PROSER1: variants seen among roughly 807,000 people sequenced by gnomAD.
PROSER1 encodes the protein proline and serine-rich protein 1.
A neutral mutation model predicts 71.8 loss-of-function variants in PROSER1; 36 were observed. The ratio of observed to expected loss-of-function variants is 0.50; its 90% confidence interval spans 0.38 to 0.66. The LOEUF is 0.66. Ranked by LOEUF, PROSER1 falls within the 30% of genes least tolerant of loss-of-function variation. PROSER1 has a pLI of 0.00. For missense variants in PROSER1, 1,107 were observed against 1,135.0 expected (o/e 0.98, Z 0.35); for synonymous variants, 490 against 452.4 (o/e 1.08, Z -1.06).
chr13:39,022,822 ATGAC>A, intron 8 of PROSER1: 1 of 438,420 alleles, frequency 2.3e-6, no homozygotes, highest in Non-Finnish European at 4.0e-6. Context: ...TAAATAATGA[ATGAC>A]TAAAAATAAT....
In PROSER1 at chr13:39,014,074, C is replaced by T. The variant is rs769723936; in HGVS notation, c.1178G>A (p.Ser393Asn). Residue 393 changes from serine (S) to asparagine (N), a missense_variant, in exon 11 of 13, where the codon AGT becomes AAT. Coordinates refer to ENST00000352251, the MANE Select transcript of PROSER1 (RefSeq NM_025138.5). ...TGCAGAAGTAGAAGCAAATGCTTCA[C>T]TGGAACCAAGAGTGGACCGTGGTGT... ...GPTPRSTLGS[S>N]EAFASTSAPF... The T allele has an allele frequency of 6.2e-7, 1 of 1,614,168 alleles. No individual in the cohort carries two copies. The highest frequency in any genetic ancestry group is 1.7e-5 in the Admixed American group (1 of 60,026).
In PROSER1 at chr13:39,013,993, G is replaced by A; in HGVS notation, c.1259C>T (p.Pro420Leu). 6.2e-7 allele frequency: 1 copy of A among 1,614,168 alleles called. No homozygotes were observed. Residue 420 changes from proline (P) to leucine (L), a missense_variant, in exon 11 of 13, where the codon CCA (proline) becomes CTA (leucine). Transcript: ENST00000352251. The part of the protein sequence containing the change: ...TSSSAASTSN[P>L]NSASLSSVFA... ...AACTGATGACAATGAAGCAGAATTTGGGTTGCTGGTAGAAGCAGCAGAAGA... is the reference window on the plus strand; with the variant it reads ...AACTGATGACAATGAAGCAGAATTTAGGTTGCTGGTAGAAGCAGCAGAAGA...
intron 9 of PROSER1, chr13:39,017,867 C>T (rs886116521): frequency 1.8e-5 from 4 of 217,778 alleles, no homozygotes; most frequent in Middle Eastern, 1.6e-3. Flanking sequence ...TATTCAAGAA[C>T]ACTTTCTGGA....
intron 2 of PROSER1, 171 bp from the exon 3 acceptor site, chr13:39,031,802 T>C: frequency 3.7e-6 from 2 of 540,524 alleles, no homozygotes; most frequent in Admixed American, 7.4e-5. Flanking sequence ...GTTATATACA[T>C]TTAAATAACT....
At position 39,013,497 on chromosome 13, in the gene PROSER1, G is replaced by C. The variant is rs758152023; in HGVS notation, c.1755C>G (p.Pro585=). Residue 585 remains proline, a synonymous_variant, in exon 11 of 13, where the codon CCC becomes CCG. Coordinates refer to ENST00000352251, the MANE Select transcript of PROSER1 (RefSeq NM_025138.5). ...CGSSASLLRG[P]HPGTSDLHIS... ...TATGCAGATCTGAGGTACCTGGGTG[G>C]GGGCCACGCAAAAGGGAGGCTGAGG... is the stretch of plus-strand genomic sequence containing the variant. The C allele has an allele frequency of 1.9e-6, 3 of 1,614,090 alleles. No individual in the cohort carries two copies. In the Admixed American group the frequency reaches 5.0e-5, roughly 27 times the overall value.
rs898629589 is a variant in PROSER1 at position 39,029,180 on chromosome 13, G to T, written c.275+101C>A. 59 of 627,212 alleles carry T rather than the reference G, an allele frequency of 9.4e-5. 1 individual carries two copies. Among genetic ancestry groups the T allele is most frequent in the Non-Finnish European group, 1.4e-4 (53 of 376,544 alleles). The allele number at this position is 627,212 out of a possible 1,614,324, so 38.9% of individuals were successfully genotyped here. A position where few individuals can be genotyped will look rare whatever the true frequency, so the allele number is the denominator to read the frequency against. ...AGAATGTACCACTATGCTTTTGACT[G>T]TATTTTGTTAGACACATTAACACAC... is the stretch of plus-strand genomic sequence containing the variant. On this transcript the variant is annotated intron_variant, in intron 4 of 12. Coordinates refer to ENST00000352251, the MANE Select transcript of PROSER1 (RefSeq NM_025138.5).
chr13:39,015,508 T>C (rs1306006896), intron 10 of PROSER1, among the ~76,000 whole-genome samples: 1 of 152,192 alleles, frequency 6.6e-6, no homozygotes, highest in Non-Finnish European at 1.5e-5. Flanking sequence ...TTTTACAATT[T>C]ATGTATAATT....
Position 39,022,413 on chromosome 13 carries a change from C to T in PROSER1, c.644-1G>A. On this transcript the variant is annotated splice_acceptor_variant, in intron 8 of 12. Coordinates refer to ENST00000352251, the MANE Select transcript of PROSER1 (RefSeq NM_025138.5). LOFTEE classifies it high-confidence loss of function. ...ACCAGACCTGCATTGTTATAAGCAC[C>T]TAAAATAAAAACACAATAGAAAAAA... The T allele has an allele frequency of 1.2e-6, 2 of 1,609,566 alleles. No individual in the cohort carries two copies. The highest frequency in any genetic ancestry group is 1.7e-6 in the Non-Finnish European group (2 of 1,176,052).
chr13:39,029,271 A>T lies in PROSER1; in HGVS notation c.275+10T>A. The T allele has an allele frequency of 7.2e-7, 1 of 1,397,750 alleles. No homozygotes were observed. The highest frequency in any genetic ancestry group is 9.7e-7 in the Non-Finnish European group (1 of 1,033,744). The allele number at this position is 1,397,750 out of a possible 1,614,324, so 86.6% of individuals were successfully genotyped here. A position where few individuals can be genotyped will look rare whatever the true frequency, so the allele number is the denominator to read the frequency against. On this transcript the variant is annotated intron_variant, in intron 4 of 12. Coordinates refer to ENST00000352251, the MANE Select transcript of PROSER1 (RefSeq NM_025138.5). ...GTAAAAAAAAAAAAAAAAAAAAAAGAAATACTTACGAGGCTAACAGTTCAA... is the reference window on the plus strand; with the variant it reads ...GTAAAAAAAAAAAAAAAAAAAAAAGTAATACTTACGAGGCTAACAGTTCAA...
At chr13:39,031,088 C>A (rs1437167181) in intron 3 of PROSER1, among the ~76,000 whole-genome samples, 1 of 152,080 alleles carries the variant, frequency 6.6e-6, no homozygotes, top group African/African-American at 2.4e-5. Context: ...CATATAGTAG[C>A]CACTAAGCAC....
In PROSER1 at chr13:39,024,531, T is replaced by C. The variant is rs527436004; in HGVS notation, c.506A>G (p.Glu169Gly). The stretch of plus-strand genomic sequence containing the variant: ...TCCTTTGCCTTCGTTAGTACATTCT[T>C]CACCATCTTTTTTCAAAGGAGTTCC... The part of the protein sequence containing the change: ...FPGTPLKKDG[E>G]ECTNEGKGIA... The change falls in exon 7 of 13, where the codon GAA becomes GGA. Residue 169 changes from glutamate to glycine, a missense_variant. Glu to Gly is a moderately conservative substitution (Grantham distance 98). Transcript: ENST00000352251. 3.1e-6 allele frequency: 5 copies of C among 1,604,504 alleles called. No homozygotes were observed. The highest frequency in any genetic ancestry group is 2.2e-5 in the South Asian group (2 of 89,634).
intron 12 of PROSER1, 138 bp downstream of exon 12, chr13:39,011,945 A>G (rs1338978107): frequency 2.3e-6 from 2 of 888,454 alleles, no homozygotes; most frequent in Non-Finnish European, 3.4e-6. Context: ...AGAAGTAATC[A>G]TCATCAAATC....
At chr13:39,011,707 T>C (rs1352103476) in intron 12 of PROSER1, among the ~76,000 whole-genome samples, 2 of 152,254 alleles carry the variant, frequency 1.3e-5, no homozygotes, top group African/African-American at 2.4e-5. Context: ...AAATATTTAA[T>C]ATTCTCTCAA....
In PROSER1 at chr13:39,011,153, T is replaced by C; in HGVS notation, c.*212A>G. On this transcript the variant is annotated 3_prime_UTR_variant, in exon 13 of 13. Coordinates refer to ENST00000352251, the MANE Select transcript of PROSER1 (RefSeq NM_025138.5). ...TCTCCAAACACTTTTTAAATACCAT[T>C]CTCCATACAATTTATTGTCAGCATA... 1 of 531,582 alleles carries C rather than the reference T, an allele frequency of 1.9e-6. No individual in the cohort carries two copies. The highest frequency in any genetic ancestry group is 3.4e-6 in the Non-Finnish European group (1 of 297,840). 32.9% of individuals were successfully genotyped at this position (531,582 alleles called of 1,614,324 possible).
chr13:39,017,369 T>C, intron 10 of PROSER1, 131 bp downstream of exon 10: 3 of 659,976 alleles, frequency 4.5e-6, no homozygotes, highest in South Asian at 3.6e-5. Context: ...TTAACAAGTA[T>C]GAATTATATT....
At chr13:39,026,234 T>C in intron 6 of PROSER1, 43 bp downstream of exon 6, 1 of 1,245,258 alleles carries the variant, frequency 8.0e-7, no homozygotes, top group Non-Finnish European at 1.2e-6. Flanking sequence ...ACTTCATACT[T>C]AACCATGAGA....
In PROSER1 at chr13:39,014,153, A is replaced by G. The variant is rs1220412545; in HGVS notation, c.1099T>C (p.Ser367Pro). 1 of 1,614,040 alleles carries G rather than the reference A, an allele frequency of 6.2e-7. No individual in the cohort carries two copies. Among genetic ancestry groups the G allele is most frequent in the African/African-American group, 1.3e-5 (1 of 74,910 alleles). The change falls in exon 11 of 13, where the codon TCA becomes CCA. Residue 367 changes from serine (S) to proline (P), a missense_variant. Transcript: ENST00000352251. The stretch of plus-strand genomic sequence containing the variant: ...GGAGTGGCAGAAGGACCTGGCAGTG[A>G]CACTAGGCCAGAAAAAATGGAAGGA... ...PVPSIFSGLV[S>P]LPGPSATPTA...
Position 39,034,195 on chromosome 13 carries a change from G to A in PROSER1, c.47C>T (p.Ala16Val). ...FEMVLDEIRK[A>V]VLTEYKLKAI... ...TTTTAATTTGTATTCTGTCAAAACA[G>A]CCTAAAAAAAAAAAACACACACACA... Residue 16 changes from alanine (A) to valine (V), a missense_variant and splice_region_variant, in exon 2 of 13, where the codon GCT becomes GTT. Physicochemically the swap from Ala to Val is moderately conservative, Grantham distance 64. Coordinates refer to ENST00000352251, the MANE Select transcript of PROSER1 (RefSeq NM_025138.5). 2.5e-6 allele frequency: 4 copies of A among 1,571,450 alleles called. No individual in the cohort carries two copies. Among genetic ancestry groups the A allele is most frequent in the Non-Finnish European group, 2.6e-6 (3 of 1,161,654 alleles).
At chr13:39,036,684 A>G (rs906708454) in intron 1 of PROSER1, among the ~76,000 whole-genome samples, 1 of 152,218 alleles carries the variant, frequency 6.6e-6, no homozygotes, top group Non-Finnish European at 1.5e-5. Flanking sequence ...TTGACGGCCA[A>G]TTCCTAAGAA....
Sources: allele counts gnomAD v4.1 joint callset (sites outside exome capture counted in the v4.1 genomes callset), GRCh38; gene constraint gnomAD v4.1.1; transcripts MANE v1.5; gene names NCBI Gene and HGNC (gene_info 2026-07-23, HGNC 2026-07-21).